Variants in NKAIN3 observed in about 807,000 individuals in gnomAD.
NKAIN3 encodes the protein sodium/potassium transporting ATPase interacting 3.
Under a neutral mutation model 30.2 loss-of-function variants are expected in NKAIN3, and 25 were observed. The ratio of observed to expected loss-of-function variants is 0.83; its 90% confidence interval spans 0.60 to 1.16. The LOEUF (loss-of-function observed/expected upper bound fraction) is 1.16, where lower values mean the gene tolerates loss of function less well. Ranked by LOEUF, NKAIN3 falls within the 50% of genes most tolerant of loss-of-function variation. The probability of loss-of-function intolerance (pLI) is 0.00; values close to 1 mark genes in which losing one functional copy is unlikely to be tolerated. For synonymous variants in NKAIN3, 91 were observed against 89.6 expected, an observed-to-expected ratio of 1.02 and a Z score of -0.09; for missense variants, 225 against 254.1, an observed-to-expected ratio of 0.89 and a Z score of 0.78.
intron 1 of NKAIN3, among the ~76,000 whole-genome samples, chr8:62,485,251 G>T (rs1284441897): frequency 6.6e-6 from 1 of 152,150 alleles, no homozygotes; most frequent in Non-Finnish European, 1.5e-5. Context: ...GAATCCATGG[G>T]TCAACTGTGA....
downstream of NKAIN3, among the ~76,000 whole-genome samples, chr8:62,985,053 A>G (rs1824175147): frequency 6.6e-6 from 1 of 152,234 alleles, no homozygotes; most frequent in African/African-American, 2.4e-5. Flanking sequence ...GTCTTAAGCT[A>G]CATGACTATA....
At chr8:62,570,719 AC>A (rs1425293652) in intron 1 of NKAIN3, among the ~76,000 whole-genome samples, 8 of 152,186 alleles carry the variant, frequency 5.3e-5, no homozygotes, top group African/African-American at 1.9e-4. Context: ...ACAGAGCCAA[AC>A]CATATCATTT....
At chr8:62,657,860 A>T (rs1374029470) in intron 3 of NKAIN3, among the ~76,000 whole-genome samples, 1 of 152,146 alleles carries the variant, frequency 6.6e-6, no homozygotes, top group Non-Finnish European at 1.5e-5. Context: ...GAAGTTCCTC[A>T]TTTACACAAT....
chr8:62,911,611 A>G (rs1821927699), intron 4 of NKAIN3, among the ~76,000 whole-genome samples: 1 of 151,512 alleles, frequency 6.6e-6, no homozygotes, highest in South Asian at 2.1e-4. Flanking sequence ...ATAGGAAGAG[A>G]CTCTTGATCT....
intron 1 of NKAIN3, among the ~76,000 whole-genome samples, chr8:62,303,176 G>T (rs1391684497): frequency 6.7e-6 from 1 of 150,346 alleles, no homozygotes; most frequent in Non-Finnish European, 1.5e-5. Flanking sequence ...GTGCTCTTTG[G>T]TCACTGAATT....
chr8:62,278,408 T>C (rs551302099), intron 1 of NKAIN3, among the ~76,000 whole-genome samples: 1 of 152,068 alleles, frequency 6.6e-6, no homozygotes, highest in East Asian at 1.9e-4. Flanking sequence ...CTTTAAGTTT[T>C]AGGGTACATG....
chr8:62,435,242 G>A (rs888146484), intron 1 of NKAIN3, among the ~76,000 whole-genome samples: 2 of 152,106 alleles, frequency 1.3e-5, no homozygotes, highest in African/African-American at 2.4e-5. Context: ...AGGGCTAGAC[G>A]TTCTGATGGT....
chr8:62,361,472 A>G (rs142794159), intron 1 of NKAIN3, among the ~76,000 whole-genome samples: 142 of 152,366 alleles, frequency 9.3e-4, no homozygotes, highest in African/African-American at 3.1e-3. Context: ...GATTAAAAGA[A>G]TGAATGAATG....
chr8:62,996,288 C>A (rs919723545), intron 5 of NKAIN3, among the ~76,000 whole-genome samples: 1 of 152,096 alleles, frequency 6.6e-6, no homozygotes, highest in Admixed American at 6.6e-5. Context: ...AGACAGAGTG[C>A]GCAGGGGAAA....
intron 1 of NKAIN3, among the ~76,000 whole-genome samples, chr8:62,481,427 G>A (rs1407099249): frequency 1.3e-5 from 2 of 151,978 alleles, no homozygotes; most frequent in African/African-American, 4.8e-5. Flanking sequence ...AGATGTTCCT[G>A]TGCATAACTC....
chr8:62,683,614 T>C (rs1813712470), intron 3 of NKAIN3, among the ~76,000 whole-genome samples: 1 of 152,188 alleles, frequency 6.6e-6, no homozygotes, highest in Non-Finnish European at 1.5e-5. Context: ...TGGGTGAGCT[T>C]CAATAATAGA....
chr8:62,861,135 G>T (rs1031939659), intron 4 of NKAIN3, among the ~76,000 whole-genome samples: 1 of 152,166 alleles, frequency 6.6e-6, no homozygotes, highest in Non-Finnish European at 1.5e-5. Flanking sequence ...AGTTACTGCG[G>T]AGGGTTCTCA....
intron 1 of NKAIN3, among the ~76,000 whole-genome samples, chr8:62,523,204 G>T (rs149127090): frequency 6.6e-6 from 1 of 151,986 alleles, no homozygotes; most frequent in Non-Finnish European, 1.5e-5. Flanking sequence ...ATAACATGCC[G>T]TACAGATTTG....
intron 3 of NKAIN3, among the ~76,000 whole-genome samples, chr8:62,665,366 T>TA (rs1167703819): frequency 0.028 from 4,028 of 142,540 alleles, 120 homozygotes; most frequent in African/African-American, 0.084. Context: ...AGATTTACCA[T>TA]AAAAAAAAAA....
chr8:62,749,527 C>CT (rs1816200561), intron 4 of NKAIN3, among the ~76,000 whole-genome samples: 1 of 152,038 alleles, frequency 6.6e-6, no homozygotes, highest in Non-Finnish European at 1.5e-5. Context: ...AATATTTTAT[C>CT]TTTTTATATT....
At position 62,982,610 on chromosome 8, in the gene NKAIN3, G is replaced by A. The variant is rs375300410; in HGVS notation, c.*17203G>A. 6.6e-6 allele frequency: 1 copy of A among 152,160 alleles called. No homozygotes were observed. The highest frequency in any genetic ancestry group is 6.5e-5 in the Admixed American group (1 of 15,276). 9.4% of individuals were successfully genotyped at this position (152,160 alleles called of 1,614,324 possible). ...TGCTATCTCTGGAAAAAAATGAATA[G>A]ATTTTCAAGATTGTGAGTCCTGACA... On this transcript the variant is annotated 3_prime_UTR_variant, in exon 7 of 7. Transcript: ENST00000623646.
At chr8:62,864,718 G>A (rs1478612608) in intron 4 of NKAIN3, among the ~76,000 whole-genome samples, 1 of 152,086 alleles carries the variant, frequency 6.6e-6, no homozygotes, top group Non-Finnish European at 1.5e-5. Flanking sequence ...CAGTACTGGG[G>A]ATTTGCCAAA....
At chr8:62,524,145 G>A (rs773089668) in intron 1 of NKAIN3, among the ~76,000 whole-genome samples, 4 of 151,586 alleles carry the variant, frequency 2.6e-5, no homozygotes, top group Non-Finnish European at 4.4e-5. Context: ...TAGAATCCTG[G>A]TCATGCATGT....
intron 3 of NKAIN3, among the ~76,000 whole-genome samples, chr8:62,592,343 A>C (rs1377881447): frequency 6.6e-6 from 1 of 152,082 alleles, no homozygotes; most frequent in African/African-American, 2.4e-5. Flanking sequence ...GTGTTTTAAA[A>C]AGATCATTTT....
Sources: gnomAD v4.1 joint callset for allele counts (sites outside exome capture counted in the v4.1 genomes callset) on GRCh38, gnomAD v4.1.1 for gene constraint, MANE v1.5 for transcripts, NCBI Gene and HGNC (gene_info 2026-07-23, HGNC 2026-07-21) for gene names.